Variants in SLC4A8 observed in about 807,000 individuals in gnomAD.
SLC4A8 encodes electroneutral sodium bicarbonate exchanger 1.
In SLC4A8, 40 loss-of-function variants were observed where a neutral mutation model predicts 125.0. The observed-to-expected ratio is 0.32, with a 90% CI of 0.25 to 0.42. The LOEUF (loss-of-function observed/expected upper bound fraction) is 0.42, where lower values mean the gene tolerates loss of function less well. Among genes scored for constraint, SLC4A8 ranks in the 10% least tolerant of loss-of-function variants. SLC4A8 has a pLI of 1.00. For missense variants in SLC4A8, 863 were observed against 1,355.1 expected (o/e 0.64, Z 5.70); for synonymous variants, 456 against 476.0 (o/e 0.96, Z 0.55).
intron 2 of SLC4A8, chr12:51,450,626 A>G: frequency 2.2e-6 from 1 of 464,748 alleles, no homozygotes; most frequent in African/African-American, 2.0e-5. Context: ...TTTGGAAATC[A>G]CATTATTTCT....
intron 1 of SLC4A8, among the ~76,000 whole-genome samples, chr12:51,408,551 T>C (rs1948537900): frequency 6.6e-6 from 1 of 152,192 alleles, no homozygotes; most frequent in Non-Finnish European, 1.5e-5. Flanking sequence ...ATGGGTTTTC[T>C]GAGAGATGTG....
intron 2 of SLC4A8, among the ~76,000 whole-genome samples, chr12:51,442,964 A>G (rs1453519655): frequency 6.6e-6 from 1 of 152,142 alleles, no homozygotes; most frequent in Non-Finnish European, 1.5e-5. Context: ...GCATGCCATG[A>G]TATCAGGTTC....
chr12:51,475,655 G>A (rs1421487712), intron 16 of SLC4A8, among the ~76,000 whole-genome samples: 2 of 152,204 alleles, frequency 1.3e-5, no homozygotes, highest in East Asian at 3.9e-4. Flanking sequence ...TGGCGACACT[G>A]ACTGCAGCAA....
At chr12:51,472,873 G>T (rs1030621385) in intron 14 of SLC4A8, among the ~76,000 whole-genome samples, 1 of 152,194 alleles carries the variant, frequency 6.6e-6, no homozygotes, top group Non-Finnish European at 1.5e-5. Flanking sequence ...GTATGTAATT[G>T]ATTTTTAAAA....
intron 2 of SLC4A8, among the ~76,000 whole-genome samples, chr12:51,447,714 CTTTTTTT>C (rs1239053396): frequency 8.0e-6 from 1 of 125,712 alleles, no homozygotes; most frequent in Admixed American, 8.2e-5. Context: ...GGGATTTCCA[CTTTTTTT>C]TTTTTTTTTT....
chr12:51,506,439 C>CT (rs1020971315), intron 24 of SLC4A8, among the ~76,000 whole-genome samples: 52 of 141,878 alleles, frequency 3.7e-4, no homozygotes, highest in Admixed American at 1.6e-3. Context: ...TCCTTTTTTT[C>CT]TTTTTTTGTT....
intron 1 of SLC4A8, among the ~76,000 whole-genome samples, chr12:51,407,435 T>A (rs201694219): frequency 7.1e-4 from 94 of 132,028 alleles, no homozygotes; most frequent in Admixed American, 1.6e-3. Context: ...ATAAAAAAAA[T>A]TTTTTTTTTT....
intron 1 of SLC4A8, among the ~76,000 whole-genome samples, chr12:51,407,242 C>T (rs775367183): frequency 2.6e-5 from 4 of 152,080 alleles, no homozygotes; most frequent in Admixed American, 6.5e-5. Context: ...GATTAAATTT[C>T]AATATAAATT....
At chr12:51,500,411 A>G (rs911378711) in intron 22 of SLC4A8, among the ~76,000 whole-genome samples, 3 of 152,024 alleles carry the variant, frequency 2.0e-5, no homozygotes, top group Admixed American at 6.6e-5. Flanking sequence ...GTTTTCATAT[A>G]ACTATGATAA....
chr12:51,497,864 C>CAAAAA (rs3028944), intron 22 of SLC4A8: 17 of 121,316 alleles, frequency 1.4e-4, no homozygotes, highest in Non-Finnish European at 2.2e-4. Flanking sequence ...CCTGTCTCTA[C>CAAAAA]AAAAAAAAAA....
chr12:51,502,636 G>T (rs10876189), intron 22 of SLC4A8, among the ~76,000 whole-genome samples: 72,939 of 151,030 alleles, frequency 0.48, 17,902 homozygotes, highest in Non-Finnish European at 0.53. Flanking sequence ...ATGCAAATCA[G>T]AACCACAAAG....
chr12:51,417,664 T>C (rs1026546477), intron 1 of SLC4A8, among the ~76,000 whole-genome samples: 6 of 152,138 alleles, frequency 3.9e-5, no homozygotes, highest in African/African-American at 1.4e-4. Flanking sequence ...ACTACAGGCA[T>C]GCGCCACCAC....
intron 17 of SLC4A8, 68 bp from the exon 18 acceptor site, chr12:51,488,631 C>T (rs1565816139): frequency 3.6e-5 from 41 of 1,154,528 alleles, no homozygotes; most frequent in Non-Finnish European, 4.7e-5. Flanking sequence ...ATATTGTGAT[C>T]CAGTTTGATA....
chr12:51,421,091 G>A (rs756066090), upstream of SLC4A8, among the ~76,000 whole-genome samples: 6 of 152,118 alleles, frequency 3.9e-5, no homozygotes, highest in Non-Finnish European at 8.8e-5. Context: ...TCCACTTTAT[G>A]CCTCTTTCTG....
At chr12:51,487,384 G>T (rs1480827522) in intron 17 of SLC4A8, among the ~76,000 whole-genome samples, 1 of 152,004 alleles carries the variant, frequency 6.6e-6, no homozygotes. Context: ...TGTTGTTAGG[G>T]AAACATAGAT....
intron 1 of SLC4A8, among the ~76,000 whole-genome samples, chr12:51,393,347 G>A (rs11169826): frequency 0.26 from 39,152 of 151,792 alleles, 5,411 homozygotes; most frequent in Non-Finnish European, 0.31. Flanking sequence ...CTGTTGCCTC[G>A]GCCTCGCAAA....
At chr12:51,422,731 G>A (rs1401620452), upstream of SLC4A8, among the ~76,000 whole-genome samples, 3 of 152,160 alleles carry the variant, frequency 2.0e-5, no homozygotes, top group South Asian at 2.1e-4. Context: ...GGCCCAAATT[G>A]TGGCTACCCT....
chr12:51,392,582 A>AG (rs1431166815), intron 1 of SLC4A8, among the ~76,000 whole-genome samples: 1 of 150,876 alleles, frequency 6.6e-6, no homozygotes, highest in Non-Finnish European at 1.5e-5. Flanking sequence ...AAAAAAAAAA[A>AG]AAAAGAAAAA....
chr12:51,445,039 G>A (rs2138150325), intron 2 of SLC4A8, among the ~76,000 whole-genome samples: 1 of 152,264 alleles, frequency 6.6e-6, no homozygotes, highest in Middle Eastern at 3.4e-3. Context: ...GGTTGGGATG[G>A]CTGTATTGAA....
Sources: allele counts gnomAD v4.1 joint callset (sites outside exome capture counted in the v4.1 genomes callset), GRCh38; gene constraint gnomAD v4.1.1; transcripts MANE v1.5; gene names NCBI Gene and HGNC (gene_info 2026-07-23, HGNC 2026-07-21).